PMFBP1: variants seen among roughly 807,000 people sequenced by gnomAD.
PMFBP1 encodes the protein polyamine modulated factor 1 binding protein 1, also known as polyamine-modulated factor 1-binding protein 1.
Under a neutral mutation model 137.8 loss-of-function variants are expected in PMFBP1, and 131 were observed. The observed-to-expected ratio is 0.95, with a 90% CI of 0.82 to 1.10. The LOEUF (loss-of-function observed/expected upper bound fraction) is 1.10, where lower values mean the gene tolerates loss of function less well. Ranked by LOEUF, PMFBP1 falls within the 50% of genes least tolerant of loss-of-function variation. PMFBP1 has a pLI of 0.00. For missense variants in PMFBP1, 1,199 were observed against 1,175.4 expected (o/e 1.02, Z -0.29); for synonymous variants, 490 against 450.4 (o/e 1.09, Z -1.11).
At position 72,123,669 on chromosome 16, in the gene PMFBP1, C is replaced by T. The variant is rs553190980; in HGVS notation, c.2590-20G>A. On this transcript the variant is annotated intron_variant, in intron 17 of 20. Coordinates refer to ENST00000237353, the MANE Select transcript of PMFBP1 (RefSeq NM_031293.3). Reference sequence around the variant, plus strand: ...GCAGGGCTTGGGTACAAGAAGAAAACGAGACAGTCAGAGGTGGGAGCACAG... The same window carrying T: ...GCAGGGCTTGGGTACAAGAAGAAAATGAGACAGTCAGAGGTGGGAGCACAG... The T allele has an allele frequency of 6.7e-5, 107 of 1,608,084 alleles. No homozygotes were observed. The South Asian group carries it at 8.7e-4, about 13-fold the overall frequency.
the PMFBP1 span, among the ~76,000 whole-genome samples, chr16:72,214,120 A>T: frequency 6.6e-6 from 1 of 152,214 alleles, no homozygotes; most frequent in Non-Finnish European, 1.5e-5. Flanking sequence ...AGAAGAGTTG[A>T]AAGTGGTTGC....
At chr16:72,150,468 TG>T in intron 5 of PMFBP1, 139 bp downstream of exon 5, 1 of 780,286 alleles carries the variant, frequency 1.3e-6, no homozygotes, top group Non-Finnish European at 2.2e-6. Context: ...GTTCAAAAGC[TG>T]AGGGCTACAA....
chr16:72,199,153 C>A, the PMFBP1 span, among the ~76,000 whole-genome samples: 1 of 152,302 alleles, frequency 6.6e-6, no homozygotes, highest in South Asian at 2.1e-4. Context: ...TCTCCCCTGT[C>A]GGTTCAGGTG....
chr16:72,247,941 G>T, the PMFBP1 span, among the ~76,000 whole-genome samples: 1 of 152,130 alleles, frequency 6.6e-6, no homozygotes, highest in Admixed American at 6.6e-5. Flanking sequence ...AATTTGGTTT[G>T]CAGATTTTTC....
chr16:72,240,386 G>A, the PMFBP1 span, among the ~76,000 whole-genome samples: 25 of 152,326 alleles, frequency 1.6e-4, no homozygotes, highest in African/African-American at 5.5e-4. Context: ...TGCAAGCAGC[G>A]CTTGCTTTCT....
intron 20 of PMFBP1, 183 bp downstream of exon 20, chr16:72,119,668 C>T: frequency 6.9e-7 from 1 of 1,450,432 alleles, no homozygotes; most frequent in Non-Finnish European, 9.0e-7. Context: ...GTTCTTAGAT[C>T]AGAAGGGGTC....
chr16:72,222,752 T>G, the PMFBP1 span, among the ~76,000 whole-genome samples: 1 of 152,302 alleles, frequency 6.6e-6, no homozygotes, highest in African/African-American at 2.4e-5. Context: ...TGGAGTTTTT[T>G]GTTTTTGTTT....
intron 6 of PMFBP1, among the ~76,000 whole-genome samples, chr16:72,139,715 T>A (rs572604905): frequency 2.0e-5 from 3 of 152,160 alleles, no homozygotes; most frequent in Non-Finnish European, 4.4e-5. Flanking sequence ...ATACCTAATC[T>A]ATCAGAGGAC....
upstream of PMFBP1, among the ~76,000 whole-genome samples, chr16:72,181,244 A>AT (rs1267959854): frequency 6.0e-5 from 9 of 149,694 alleles, no homozygotes; most frequent in South Asian, 4.2e-4. Flanking sequence ...TCTCAAAAAA[A>AT]AAAAAATAAT....
intron 19 of PMFBP1, among the ~76,000 whole-genome samples, chr16:72,122,482 T>C (rs2042390348): frequency 1.3e-5 from 2 of 152,194 alleles, no homozygotes; most frequent in Admixed American, 6.5e-5. Flanking sequence ...GGCCCCCAGA[T>C]GAGCAGGTGG....
At position 72,136,526 on chromosome 16, in the gene PMFBP1, G is replaced by C; in HGVS notation, c.1125C>G (p.Ile375Met). The change falls in exon 9 of 21, where the codon ATC becomes ATG. Residue 375 changes from isoleucine (I) to methionine (M), a missense_variant. Coordinates refer to ENST00000237353, the MANE Select transcript of PMFBP1 (RefSeq NM_031293.3). ...CCTGCAGCCGGCACTGCAGGATGGT[G>C]ATGTCCTTATCCTTCCTCTCAATGT... is the stretch of plus-strand genomic sequence containing the variant. The part of the protein sequence containing the change: ...SAHIERKDKD[I>M]TILQCRLQEL... 1 of 1,614,054 alleles carries C rather than the reference G, an allele frequency of 6.2e-7. No homozygotes were observed. Among genetic ancestry groups the C allele is most frequent in the Non-Finnish European group, 8.5e-7 (1 of 1,179,996 alleles).
chr16:72,185,993 G>T, the PMFBP1 span, among the ~76,000 whole-genome samples: 1 of 152,192 alleles, frequency 6.6e-6, no homozygotes, highest in African/African-American at 2.4e-5. Flanking sequence ...AGATAGCAAA[G>T]ATCTTGGGGC....
chr16:72,203,760 C>G, the PMFBP1 span, among the ~76,000 whole-genome samples: 6 of 152,210 alleles, frequency 3.9e-5, no homozygotes, highest in Non-Finnish European at 7.3e-5. Context: ...TTCAGCTCTC[C>G]TGGTAATTTT....
intron 7 of PMFBP1, among the ~76,000 whole-genome samples, chr16:72,137,930 C>G (rs1466342080): frequency 6.6e-6 from 1 of 152,096 alleles, no homozygotes; most frequent in Non-Finnish European, 1.5e-5. Context: ...TGCAGGGACT[C>G]AAAGCCCCAC....
chr16:72,121,424 T>C (rs1053921790), intron 19 of PMFBP1, among the ~76,000 whole-genome samples: 10 of 152,200 alleles, frequency 6.6e-5, no homozygotes, highest in Admixed American at 6.5e-5. Context: ...TCTCAATTCA[T>C]TGGCCTCCTT....
the PMFBP1 span, among the ~76,000 whole-genome samples, chr16:72,239,727 A>C: frequency 6.6e-6 from 1 of 152,030 alleles, no homozygotes; most frequent in Admixed American, 6.6e-5. Context: ...CCCCGTCTCT[A>C]CTAAAGATAC....
chr16:72,126,061 G>A lies in PMFBP1; in HGVS notation c.2160C>T (p.His720=). The A allele has an allele frequency of 3.1e-6, 5 of 1,614,222 alleles. No homozygotes were observed. In the South Asian group the frequency reaches 5.5e-5, roughly 18 times the overall value. Residue 720 remains histidine, a synonymous_variant, in exon 15 of 21, where the codon CAC becomes CAT. Coordinates refer to ENST00000237353, the MANE Select transcript of PMFBP1 (RefSeq NM_031293.3). The part of the protein sequence containing the change: ...QLDKALQKEK[H]YLQTTITKEA... ...CTTTGGTGATGGTAGTCTGGAGATA[G>A]TGCTTCTCCTTCTGCAGAGCTTTGT... is the stretch of plus-strand genomic sequence containing the variant.
chr16:72,185,050 G>T, the PMFBP1 span, among the ~76,000 whole-genome samples: 1 of 150,432 alleles, frequency 6.6e-6, no homozygotes. Flanking sequence ...TTGAGACGGA[G>T]TCTCGCTGTG....
the PMFBP1 span, among the ~76,000 whole-genome samples, chr16:72,196,025 G>A: frequency 7.0e-6 from 1 of 142,878 alleles, no homozygotes; most frequent in Non-Finnish European, 1.6e-5. Context: ...GTGTGTGTGT[G>A]TGTGTGAAAG....
Sources: allele counts gnomAD v4.1 joint callset (sites outside exome capture counted in the v4.1 genomes callset), GRCh38; gene constraint gnomAD v4.1.1; transcripts MANE v1.5; gene names NCBI Gene and HGNC (gene_info 2026-07-23, HGNC 2026-07-21).